TBC1D9: variants seen among roughly 807,000 people sequenced by gnomAD.
TBC1D9 encodes the protein TBC1 domain family member 9A.
TBC1D9 carries 63 observed loss-of-function variants against 132.0 expected under a neutral mutation model. The ratio of observed to expected loss-of-function variants is 0.48; its 90% CI spans 0.39 to 0.59. The LOEUF (loss-of-function observed/expected upper bound fraction) is 0.59. TBC1D9 is among the 20% of genes least tolerant of loss of function. The pLI is 0.00. For missense variants in TBC1D9, 1,261 were observed against 1,592.7 expected (o/e 0.79, Z 3.54); for synonymous variants, 610 against 609.9 (o/e 1.00, Z 0.00).
intron 1 of TBC1D9, among the ~76,000 whole-genome samples, chr4:140,707,150 ATC>A (rs1738161913): frequency 2.6e-5 from 4 of 151,740 alleles, no homozygotes; most frequent in African/African-American, 9.7e-5. Flanking sequence ...ATTTTCACCA[ATC>A]TCTAGAGTGA....
chr4:140,643,752 G>C, intron 13 of TBC1D9: 1 of 1,112,678 alleles, frequency 9.0e-7, no homozygotes, highest in East Asian at 2.5e-5. Context: ...GCATGCTTCA[G>C]GCCCCTCCGC....
intron 1 of TBC1D9, among the ~76,000 whole-genome samples, chr4:140,747,227 C>T (rs949246434): frequency 2.6e-5 from 4 of 151,904 alleles, no homozygotes; most frequent in South Asian, 2.1e-4. Flanking sequence ...TGGCATGCAC[C>T]TGTAGTCCTA....
At chr4:140,644,836 C>G (rs1253885088) in intron 13 of TBC1D9, 1 of 422,848 alleles carries the variant, frequency 2.4e-6, no homozygotes, top group East Asian at 6.0e-5. Context: ...CAGGTGATCT[C>G]TGGGAATGAC....
At chr4:140,638,887 T>A (rs977665173) in intron 15 of TBC1D9, among the ~76,000 whole-genome samples, 199 bp downstream of exon 15, 7 of 152,172 alleles carry the variant, frequency 4.6e-5, no homozygotes, top group Non-Finnish European at 8.8e-5. Context: ...TTATATGGAG[T>A]GCAAGGTAAC....
rs776773188 is a variant in TBC1D9, at chr4:140,755,935, G to GCCT, written c.108_110dup (p.Gly41dup). ...CCTTACCCGCCAGTCCGCCGCCGCC[G>GCCT]CCTCCATCGCCGGCGTGGCCCTTCC... is the stretch of plus-strand genomic sequence containing the variant. On this transcript the variant is annotated inframe_insertion, in exon 1 of 21. Transcript: ENST00000442267. 9 of 1,582,710 alleles carry GCCT rather than the reference G, an allele frequency of 5.7e-6. No homozygotes were observed. The Middle Eastern group carries it at 8.3e-4, about 147-fold the overall frequency.
intron 1 of TBC1D9, among the ~76,000 whole-genome samples, chr4:140,734,404 A>G (rs1276413446): frequency 1.3e-5 from 2 of 152,228 alleles, no homozygotes; most frequent in Non-Finnish European, 2.9e-5. Context: ...TGCTGGGATT[A>G]CAGGCACGAG....
intron 15 of TBC1D9, among the ~76,000 whole-genome samples, chr4:140,637,653 A>G (rs1225715334): frequency 6.6e-6 from 1 of 152,162 alleles, no homozygotes; most frequent in Non-Finnish European, 1.5e-5. Context: ...CGGATCTCCA[A>G]CTTACACTAT....
chr4:140,624,133 A>C lies in TBC1D9; in HGVS notation c.3061T>G (p.Leu1021Val). ...NKSKSKNAKDLPKLNQGQFIE... is the reference protein window; with the variant it reads ...NKSKSKNAKDVPKLNQGQFIE... ...GCACTTACCTGATTTAATTTGGGTAAATCCTTTGCATTCTTTGACTTAGAT... is the reference window on the plus strand; with the variant it reads ...GCACTTACCTGATTTAATTTGGGTACATCCTTTGCATTCTTTGACTTAGAT... The change falls in exon 20 of 21, where the codon TTA (leucine) becomes GTA (valine). Residue 1021 changes from leucine to valine, a missense_variant. This residue lies in a region of TBC1D9 where 618 missense variants were observed against 724.4 expected (regional missense o/e 0.85). Coordinates refer to ENST00000442267, the MANE Select transcript of TBC1D9 (RefSeq NM_015130.3). 6.2e-7 allele frequency: 1 copy of C among 1,608,342 alleles called. No individual in the cohort carries two copies. Among genetic ancestry groups the C allele is most frequent in the Non-Finnish European group, 8.5e-7 (1 of 1,176,724 alleles).
At chr4:140,740,771 C>A (rs541983252) in intron 1 of TBC1D9, among the ~76,000 whole-genome samples, 33 of 152,242 alleles carry the variant, frequency 2.2e-4, no homozygotes, top group African/African-American at 7.5e-4. Flanking sequence ...GAGACTTATA[C>A]CTCAATCACT....
In TBC1D9 at chr4:140,676,973, T is replaced by G; in HGVS notation, c.980A>C (p.Gln327Pro). 6.2e-7 allele frequency: 1 copy of G among 1,614,036 alleles called. No individual in the cohort carries two copies. Among genetic ancestry groups the G allele is most frequent in the Non-Finnish European group, 8.5e-7 (1 of 1,179,890 alleles). ...TPFNKMHILG[Q>P]MFVSTNYICF... ...GATGTAATTTGTGGACACAAACATC[T>G]GCCCCAAAATGTGCATTTTGTTAAA... is the stretch of plus-strand genomic sequence containing the variant. The change falls in exon 6 of 21, where the codon CAG becomes CCG. Residue 327 changes from glutamine to proline, a missense_variant. Coordinates refer to ENST00000442267, the MANE Select transcript of TBC1D9 (RefSeq NM_015130.3).
At chr4:140,634,315 C>T in intron 15 of TBC1D9, 127 bp from the exon 16 acceptor site, 1 of 1,319,630 alleles carries the variant, frequency 7.6e-7, no homozygotes, top group Non-Finnish European at 1.0e-6. Flanking sequence ...AGGGCTGTGG[C>T]CTCAGGGCCC....
intron 1 of TBC1D9, among the ~76,000 whole-genome samples, chr4:140,708,317 A>C (rs1159645452): frequency 6.6e-6 from 1 of 152,246 alleles, no homozygotes; most frequent in Non-Finnish European, 1.5e-5. Context: ...AATGCAAACC[A>C]AACTCATATC....
intron 18 of TBC1D9, 116 bp from the exon 19 acceptor site, chr4:140,624,504 C>A: frequency 3.9e-6 from 3 of 772,546 alleles, no homozygotes; most frequent in Non-Finnish European, 6.0e-6. Flanking sequence ...ATTTAGCAAA[C>A]AAACAAACAA....
In TBC1D9 at chr4:140,662,103, G is replaced by T. The variant is rs750998603; in HGVS notation, c.1593C>A (p.Ala531=). The part of the protein sequence containing the change: ...RGELWLLLSG[A]INEKATHPGY... ...CAGGATGTGTGGCCTTCTCATTGAT[G>T]GCACCTGAGATATATCCAACAGATA... is the stretch of plus-strand genomic sequence containing the variant. The change falls in exon 10 of 21, where the codon GCC becomes GCA. Residue 531 remains alanine, a synonymous_variant. Transcript: ENST00000442267. The T allele has an allele frequency of 1.1e-5, 17 of 1,612,984 alleles. No individual in the cohort carries two copies. Among genetic ancestry groups the T allele is most frequent in the Non-Finnish European group, 1.4e-5 (16 of 1,179,178 alleles).
chr4:140,635,909 C>T (rs1320122869), intron 15 of TBC1D9, among the ~76,000 whole-genome samples: 2 of 152,106 alleles, frequency 1.3e-5, no homozygotes, highest in Admixed American at 6.5e-5. Flanking sequence ...GTACTCTGAA[C>T]GAGCATGAGT....
intron 16 of TBC1D9, among the ~76,000 whole-genome samples, chr4:140,632,030 G>A (rs1736802901): frequency 6.6e-6 from 1 of 152,042 alleles, no homozygotes; most frequent in Non-Finnish European, 1.5e-5. Flanking sequence ...ACTAATCTGG[G>A]GTATAGTTTA....
intron 1 of TBC1D9, among the ~76,000 whole-genome samples, chr4:140,721,060 G>A (rs1469805560): frequency 6.6e-6 from 1 of 152,166 alleles, no homozygotes; most frequent in Non-Finnish European, 1.5e-5. Flanking sequence ...CACCTAACTG[G>A]CCGCAGATAA....
At chr4:140,647,570 G>T (rs1377179806) in intron 13 of TBC1D9, among the ~76,000 whole-genome samples, 1 of 152,174 alleles carries the variant, frequency 6.6e-6, no homozygotes, top group Non-Finnish European at 1.5e-5. Flanking sequence ...TGGAGATAAA[G>T]TTCCAATAAT....
rs1225654212 is a variant in TBC1D9, at chr4:140,676,968, A to T, written c.985T>A (p.Phe329Ile). ...AAACAGATGTAATTTGTGGACACAA[A>T]CATCTGCCCCAAAATGTGCATTTTG... ...FNKMHILGQM[F>I]VSTNYICFTS... The change falls in exon 6 of 21, where the codon TTT becomes ATT. Residue 329 changes from phenylalanine to isoleucine, a missense_variant. This residue lies in a region of TBC1D9 where 550 missense variants were observed against 699.0 expected (regional missense o/e 0.79). Transcript: ENST00000442267. 1 of 1,613,986 alleles carries T rather than the reference A, an allele frequency of 6.2e-7. No individual in the cohort carries two copies. Among genetic ancestry groups the T allele is most frequent in the Admixed American group, 1.7e-5 (1 of 60,014 alleles).
Sources: gnomAD v4.1 joint callset for allele counts (sites outside exome capture counted in the v4.1 genomes callset) on GRCh38, gnomAD v4.1.1 for gene constraint, gnomAD v4.1.1 regional missense constraint, MANE v1.5 for transcripts, NCBI Gene and HGNC (gene_info 2026-07-23, HGNC 2026-07-21) for gene names.